The following PKHD1 variants were observed in gnomAD, a reference collection of about 807,000 sequenced individuals.
PKHD1 encodes the protein PKHD1 ciliary IPT domain containing fibrocystin/polyductin.
PKHD1 carries 291 observed loss-of-function variants against 412.0 expected under a neutral mutation model. The observed-to-expected ratio is 0.71, with a 90% CI of 0.64 to 0.78. The LOEUF (loss-of-function observed/expected upper bound fraction) is 0.78. PKHD1 is among the 30% of genes least tolerant of loss of function. The probability of loss-of-function intolerance (pLI) is 0.00; values close to 1 mark genes in which losing one functional copy is unlikely to be tolerated. For missense variants in PKHD1, 4,825 were observed against 4,950.7 expected (o/e 0.97, Z 0.76); for synonymous variants, 1,777 against 1,821.5 (o/e 0.98, Z 0.62).
At chr6:51,718,746 A>G (rs1781560067) in intron 60 of PKHD1, among the ~76,000 whole-genome samples, 2 of 152,208 alleles carry the variant, frequency 1.3e-5, no homozygotes, top group Non-Finnish European at 2.9e-5. Flanking sequence ...CTATAAATGG[A>G]GATATAATCA....
At position 52,056,691 on chromosome 6, in the gene PKHD1, A is replaced by G; in HGVS notation, c.1693+7T>C. ...AAAGACAATCAGAATGAAGCCACGGACAGCACCTCGTTCAAATCCAAGCCG... is the reference window on the plus strand; with the variant it reads ...AAAGACAATCAGAATGAAGCCACGGGCAGCACCTCGTTCAAATCCAAGCCG... On this transcript the variant is annotated splice_region_variant and intron_variant, in intron 18 of 66. Coordinates refer to ENST00000371117, the MANE Select transcript of PKHD1 (RefSeq NM_138694.4). 1 of 1,603,508 alleles carries G rather than the reference A, an allele frequency of 6.2e-7. No homozygotes were observed. Among genetic ancestry groups the G allele is most frequent in the South Asian group, 1.1e-5 (1 of 90,882 alleles).
intron 43 of PKHD1, among the ~76,000 whole-genome samples, chr6:51,900,898 C>A (rs1470412998): frequency 1.3e-5 from 2 of 152,058 alleles, no homozygotes; most frequent in African/African-American, 4.8e-5. Context: ...ATTTATGGAG[C>A]CAAAAAACAC....
rs567893625 is a variant in PKHD1, at chr6:51,848,113, G to C, written c.7912-143C>G. ...AAATCATACAATTTAGACCCAGATT[G>C]TACTTTTCTTGTGGGAAATGGGAAT... On this transcript the variant is annotated intron_variant, in intron 49 of 66. Coordinates refer to ENST00000371117, the MANE Select transcript of PKHD1 (RefSeq NM_138694.4). 9 of 670,618 alleles carry C rather than the reference G, an allele frequency of 1.3e-5. No homozygotes were observed. The Admixed American group carries it at 1.8e-4, about 13-fold the overall frequency. 41.5% of individuals were successfully genotyped at this position (670,618 alleles called of 1,614,324 possible).
At chr6:51,893,096 C>A (rs1355028559) in intron 43 of PKHD1, among the ~76,000 whole-genome samples, 1 of 152,150 alleles carries the variant, frequency 6.6e-6, no homozygotes, top group African/African-American at 2.4e-5. Flanking sequence ...TCTTAAACAC[C>A]CACCTTGTCT....
At chr6:52,034,252 A>C (rs186814543) in intron 28 of PKHD1, among the ~76,000 whole-genome samples, 11 of 151,820 alleles carry the variant, frequency 7.2e-5, no homozygotes, top group African/African-American at 2.7e-4. Flanking sequence ...AAATAGTTAG[A>C]ATAATATAAA....
chr6:51,964,177 A>C (rs1792475291), intron 35 of PKHD1, among the ~76,000 whole-genome samples: 1 of 152,136 alleles, frequency 6.6e-6, no homozygotes, highest in Non-Finnish European at 1.5e-5. Context: ...CAAATCTTAC[A>C]TGTCACCTTA....
chr6:51,847,787 G>C lies in PKHD1; in HGVS notation c.8095C>G (p.Leu2699Val), dbSNP rs371233877. The C allele has an allele frequency of 1.2e-6, 2 of 1,612,196 alleles. No individual in the cohort carries two copies. The highest frequency in any genetic ancestry group is 1.7e-6 in the Non-Finnish European group (2 of 1,178,228). ...DWFFNSQLRQLTYLVSGEGQV... is the reference protein window; with the variant it reads ...DWFFNSQLRQVTYLVSGEGQV... ...ATTGGATACTTACCCAGATAGGTGAGTTGCCTCAGCTGGCTATTGAAGAAC... is the reference window on the plus strand; with the variant it reads ...ATTGGATACTTACCCAGATAGGTGACTTGCCTCAGCTGGCTATTGAAGAAC... The change falls in exon 50 of 67, where the codon CTC becomes GTC. Residue 2699 changes from leucine (L) to valine (V), a missense_variant. Physicochemically the swap from Leu to Val is conservative, Grantham distance 32 (BLOSUM62 1). Coordinates refer to ENST00000371117, the MANE Select transcript of PKHD1 (RefSeq NM_138694.4).
At chr6:51,994,260 G>A (rs1053253166) in intron 35 of PKHD1, among the ~76,000 whole-genome samples, 3 of 151,564 alleles carry the variant, frequency 2.0e-5, no homozygotes, top group African/African-American at 4.9e-5. Flanking sequence ...TCAGCCTCCC[G>A]GGTAGCTGGG....
intron 36 of PKHD1, among the ~76,000 whole-genome samples, chr6:51,942,072 G>A (rs531362213): frequency 1.6e-4 from 24 of 151,726 alleles, no homozygotes; most frequent in African/African-American, 5.8e-4. Context: ...TAGACACCTA[G>A]TTTTGCCATC....
chr6:51,686,685 G>A (rs1363099729), intron 60 of PKHD1, among the ~76,000 whole-genome samples: 2 of 152,096 alleles, frequency 1.3e-5, no homozygotes, highest in African/African-American at 4.8e-5. Flanking sequence ...ATGAGAGCAG[G>A]GTTATTTGTC....
At chr6:51,896,364 C>A (rs1161180898) in intron 43 of PKHD1, among the ~76,000 whole-genome samples, 3 of 152,148 alleles carry the variant, frequency 2.0e-5, no homozygotes, top group African/African-American at 7.2e-5. Context: ...CCCCTGACCC[C>A]CGAGCAGCCT....
intron 24 of PKHD1, 115 bp from the exon 25 acceptor site, chr6:52,045,203 G>A (rs1418347158): frequency 1.0e-6 from 1 of 998,504 alleles, no homozygotes; most frequent in South Asian, 1.3e-5. Flanking sequence ...CAGCTAGAAA[G>A]TGAAAGCAGA....
Position 51,748,401 on chromosome 6 carries a change from G to T in PKHD1, c.9215C>A (p.Ala3072Glu). Residue 3072 changes from alanine to glutamate, a missense_variant, in exon 58 of 67, where the codon GCG becomes GAG. Physicochemically the swap from Ala to Glu is moderately radical, Grantham distance 107 (BLOSUM62 -1). Coordinates refer to ENST00000371117, the MANE Select transcript of PKHD1 (RefSeq NM_138694.4). ...TCCCGCCACCCAAATGGTGGACCAC[G>T]CTGGCTGTGTCATCAGAACCACAAG... ...NNLVVLMTQP[A>E]WSTIWVAGIK... 2 of 1,613,978 alleles carry T rather than the reference G, an allele frequency of 1.2e-6. No individual in the cohort carries two copies. The highest frequency in any genetic ancestry group is 1.7e-6 in the Non-Finnish European group (2 of 1,179,938).
chr6:52,055,595 A>G lies in PKHD1; in HGVS notation c.1828T>C (p.Tyr610His), dbSNP rs940977871. 4 of 1,613,986 alleles carry G rather than the reference A, an allele frequency of 2.5e-6. No individual in the cohort carries two copies. Among genetic ancestry groups the G allele is most frequent in the Non-Finnish European group, 2.5e-6 (3 of 1,179,904 alleles). ...CAAAGACTGCTACTCACGTGTGTAT[A>G]CTGATCTAGCCGATAGCCCTTCTGG... Reference protein sequence around the residue: ...AAQKGYRLDQYTHLCLAYKGH... With the variant: ...AAQKGYRLDQHTHLCLAYKGH... The change falls in exon 19 of 67, where the codon TAT becomes CAT. Residue 610 changes from tyrosine to histidine, a missense_variant. By Grantham distance (83) the Tyr-to-His change is moderately conservative. Transcript: ENST00000371117.
chr6:51,760,160 T>C (rs749296612), intron 55 of PKHD1, among the ~76,000 whole-genome samples: 5 of 152,144 alleles, frequency 3.3e-5, no homozygotes, highest in Non-Finnish European at 5.9e-5. Flanking sequence ...AAATAAATTA[T>C]AGTAGTATTT....
chr6:51,896,841 C>G (rs1402651553), intron 43 of PKHD1, among the ~76,000 whole-genome samples: 2 of 151,908 alleles, frequency 1.3e-5, no homozygotes, highest in African/African-American at 4.8e-5. Context: ...AGCTGAAAAC[C>G]AAGGCTCGAG....
intron 52 of PKHD1, among the ~76,000 whole-genome samples, chr6:51,825,460 C>T (rs1052788211): frequency 6.6e-6 from 1 of 151,996 alleles, no homozygotes; most frequent in Admixed American, 6.6e-5. Flanking sequence ...CCCAAGCAGC[C>T]CCATAATAAA....
At position 52,055,735 on chromosome 6, in the gene PKHD1, T is replaced by G. The variant is rs1279636771; in HGVS notation, c.1694-6A>C. ...AGAGTTGGAAACTTCTGGGCCTGGA[T>G]GCAGTTCAGATAAAATAGAAAGGCA... On this transcript the variant is annotated splice_polypyrimidine_tract_variant and splice_region_variant and intron_variant, in intron 18 of 66. Transcript: ENST00000371117. 6.2e-7 allele frequency: 1 copy of G among 1,613,754 alleles called. No homozygotes were observed. Among genetic ancestry groups the G allele is most frequent in the African/African-American group, 1.3e-5 (1 of 75,048 alleles).
chr6:52,037,574 C>G lies in PKHD1; in HGVS notation c.3098-1853G>C, dbSNP rs1896991. On this transcript the variant is annotated intron_variant, in intron 27 of 66. Transcript: ENST00000371117. ...AAAGGAAACACAATGCCCCTAAACA[C>G]ATGAAAAGATATTCAATTTCTCTCT... 3.6e-3 allele frequency among the ~76,000 whole-genome samples: 545 copies of G among 152,256 alleles called. 4 individuals are homozygous for G. Among genetic ancestry groups the G allele is most frequent in the African/African-American group, 0.012 (504 of 41,570 alleles).
Sources: gnomAD v4.1 joint callset for allele counts (sites outside exome capture counted in the v4.1 genomes callset) on GRCh38, gnomAD v4.1.1 for gene constraint, MANE v1.5 for transcripts, NCBI Gene and HGNC (gene_info 2026-07-23, HGNC 2026-07-21) for gene names.